TTBK2: variants seen among roughly 807,000 people sequenced by gnomAD.
The protein encoded by TTBK2 is tau tubulin kinase 2.
A neutral mutation model predicts 110.8 loss-of-function variants in TTBK2; 28 were observed. The ratio of observed to expected loss-of-function variants is 0.25; its 90% confidence interval spans 0.19 to 0.35. The LOEUF is 0.35. Among genes scored for constraint, TTBK2 ranks in the 10% least tolerant of loss-of-function variants. The pLI is 1.00. For synonymous variants in TTBK2, 532 were observed against 527.3 expected (o/e 1.01, Z -0.12); for missense variants, 1,369 against 1,500.3 (o/e 0.91, Z 1.45).
chr15:42,882,599 G>A (rs1895090796), intron 1 of TTBK2, among the ~76,000 whole-genome samples: 1 of 151,906 alleles, frequency 6.6e-6, no homozygotes, highest in Non-Finnish European at 1.5e-5. Flanking sequence ...GGACAACACA[G>A]TGAGACTTCA....
chr15:42,871,343 A>G (rs559138233), intron 3 of TTBK2: 2 of 653,474 alleles, frequency 3.1e-6, no homozygotes, highest in East Asian at 2.7e-4. Context: ...AAAAGGTACT[A>G]AACTGATCTT....
intron 9 of TTBK2, chr15:42,802,025 T>G (rs1891235522): frequency 6.7e-7 from 1 of 1,484,540 alleles, no homozygotes; most frequent in Non-Finnish European, 9.3e-7. Flanking sequence ...CGAGCCATCT[T>G]CTGCTGCTGC....
At chr15:42,809,896 G>T (rs1211999846) in intron 9 of TTBK2, among the ~76,000 whole-genome samples, 4 of 152,162 alleles carry the variant, frequency 2.6e-5, no homozygotes, top group African/African-American at 9.7e-5. Flanking sequence ...CAACACTGTA[G>T]AATTTAACTA....
chr15:42,900,630 G>A (rs904273917), intron 1 of TTBK2, among the ~76,000 whole-genome samples: 13 of 152,110 alleles, frequency 8.5e-5, no homozygotes, highest in East Asian at 3.9e-4. Flanking sequence ...ACTGAGTCAG[G>A]AGAATCGCTT....
intron 4 of TTBK2, among the ~76,000 whole-genome samples, chr15:42,835,569 G>A (rs1436044641): frequency 6.6e-6 from 1 of 151,832 alleles, no homozygotes; most frequent in African/African-American, 2.4e-5. Flanking sequence ...GATTAAAAGA[G>A]GCTTAAGAGA....
At chr15:42,821,214 C>A (rs1168909001) in intron 6 of TTBK2, among the ~76,000 whole-genome samples, 1 of 151,972 alleles carries the variant, frequency 6.6e-6, no homozygotes, top group African/African-American at 2.4e-5. Context: ...TAAAGAAATT[C>A]TGGAAGAATA....
In TTBK2 at chr15:42,745,104, T is replaced by TA. The variant is rs886051160; in HGVS notation, c.*690dup. 238 of 144,924 alleles carry TA rather than the reference T, an allele frequency of 1.6e-3. No individual in the cohort carries two copies. Among genetic ancestry groups the TA allele is most frequent in the African/African-American group, 4.5e-3 (176 of 39,186 alleles). 9.0% of individuals were successfully genotyped at this position (144,924 alleles called of 1,614,324 possible). On this transcript the variant is annotated 3_prime_UTR_variant, in exon 15 of 15. Transcript: ENST00000267890. The stretch of plus-strand genomic sequence containing the variant: ...TGTAATATGTTAAGAACTCTTGCTC[T>TA]AAAAAAAAAAAATCAGGGGGACCTA...
chr15:42,879,928 T>G (rs1414739398), intron 1 of TTBK2, among the ~76,000 whole-genome samples: 5 of 150,412 alleles, frequency 3.3e-5, no homozygotes, highest in Non-Finnish European at 7.4e-5. Flanking sequence ...GCCTGGAAGG[T>G]TGAGGTTGCA....
At chr15:42,860,661 T>TTC (rs71471871) in intron 3 of TTBK2, among the ~76,000 whole-genome samples, 1 of 140,888 alleles carries the variant, frequency 7.1e-6, no homozygotes, top group African/African-American at 2.7e-5. Context: ...TTTTTTTTTT[T>TTC]GAGATGGCAT....
chr15:42,857,982 C>A (rs1208082487), intron 3 of TTBK2, among the ~76,000 whole-genome samples: 1 of 152,086 alleles, frequency 6.6e-6, no homozygotes, highest in Non-Finnish European at 1.5e-5. Context: ...ACTAGGGAGG[C>A]TGAGGCACAA....
At chr15:42,755,668 T>C (rs909566816) in intron 13 of TTBK2, among the ~76,000 whole-genome samples, 5 of 152,232 alleles carry the variant, frequency 3.3e-5, no homozygotes, top group African/African-American at 1.2e-4. Context: ...GTTCTATTGG[T>C]ACTGTTTTCC....
At chr15:42,810,558 A>G in intron 9 of TTBK2, 56 bp downstream of exon 9, 1 of 1,607,878 alleles carries the variant, frequency 6.2e-7, no homozygotes, top group Non-Finnish European at 8.5e-7. Flanking sequence ...ACAATGAGTG[A>G]AAGCATAGAC....
intron 11 of TTBK2, among the ~76,000 whole-genome samples, chr15:42,779,780 G>A (rs1362741077): frequency 6.6e-6 from 1 of 152,060 alleles, no homozygotes; most frequent in African/African-American, 2.4e-5. Context: ...AGGAGTTCAA[G>A]ACTTAGCCTG....
chr15:42,903,603 T>C (rs1275612475), intron 1 of TTBK2, among the ~76,000 whole-genome samples: 1 of 152,148 alleles, frequency 6.6e-6, no homozygotes, highest in Non-Finnish European at 1.5e-5. Context: ...AATCTAAGAA[T>C]AGACTTGTCC....
intron 7 of TTBK2, among the ~76,000 whole-genome samples, chr15:42,813,462 C>T (rs1474248509): frequency 6.6e-6 from 1 of 151,978 alleles, no homozygotes; most frequent in African/African-American, 2.4e-5. Context: ...GTTGAGACTG[C>T]AGTGAGCCGA....
chr15:42,742,252 T>G lies in TTBK2; in HGVS notation c.*3543A>C, dbSNP rs1165284648. On this transcript the variant is annotated 3_prime_UTR_variant, in exon 15 of 15. Coordinates refer to ENST00000267890, the MANE Select transcript of TTBK2 (RefSeq NM_173500.4). ...AGGACTCGATTAACTTGGCAACTTTTACAAAAAACATTCACATCACAACAT... is the reference window on the plus strand; with the variant it reads ...AGGACTCGATTAACTTGGCAACTTTGACAAAAAACATTCACATCACAACAT... 6.6e-6 allele frequency: 1 copy of G among 152,216 alleles called. No individual in the cohort carries two copies. Among genetic ancestry groups the G allele is most frequent in the Non-Finnish European group, 1.5e-5 (1 of 68,044 alleles). The allele number at this position is 152,216 out of a possible 1,614,324, so 9.4% of individuals were successfully genotyped here.
chr15:42,831,582 T>A (rs1892762922), intron 4 of TTBK2, among the ~76,000 whole-genome samples: 1 of 152,228 alleles, frequency 6.6e-6, no homozygotes, highest in South Asian at 2.1e-4. Flanking sequence ...ATAAGGAAAC[T>A]GAGGTTCAAA....
intron 1 of TTBK2, among the ~76,000 whole-genome samples, chr15:42,912,419 C>T (rs945824626): frequency 1.3e-5 from 2 of 152,164 alleles, no homozygotes; most frequent in African/African-American, 4.8e-5. Context: ...TAAGATTCTA[C>T]TCTTTGGCCA....
At position 42,746,100 on chromosome 15, in the gene TTBK2, G is replaced by C. The variant is rs769062274; in HGVS notation, c.3430C>G (p.Pro1144Ala). 2 of 1,614,088 alleles carry C rather than the reference G, an allele frequency of 1.2e-6. No homozygotes were observed. Among genetic ancestry groups the C allele is most frequent in the East Asian group, 4.5e-5 (2 of 44,878 alleles). ...PHNPKTPPKSPVVPRRSPSAS... is the reference protein window; with the variant it reads ...PHNPKTPPKSAVVPRRSPSAS... ...CTGGGACTCCTGCGAGGGACAACTG[G>C]ACTCTTGGGTGGTGTTTTTGGATTG... The change falls in exon 15 of 15, where the codon CCA becomes GCA. Residue 1144 changes from proline (P) to alanine (A), a missense_variant. Coordinates refer to ENST00000267890, the MANE Select transcript of TTBK2 (RefSeq NM_173500.4).
Sources: allele counts gnomAD v4.1 joint callset (sites outside exome capture counted in the v4.1 genomes callset), GRCh38; gene constraint gnomAD v4.1.1; transcripts MANE v1.5; gene names NCBI Gene and HGNC (gene_info 2026-07-23, HGNC 2026-07-21).